The following DLG5 variants were observed in gnomAD, a reference collection of about 807,000 sequenced individuals.
The protein encoded by DLG5 is disks large homolog 5.
A neutral mutation model predicts 189.8 loss-of-function variants in DLG5; 48 were observed. The ratio of observed to expected loss-of-function variants is 0.25; its 90% CI spans 0.20 to 0.32. The LOEUF (loss-of-function observed/expected upper bound fraction) is 0.32. DLG5 is among the 10% of genes least tolerant of loss of function. The pLI is 1.00. For missense variants in DLG5, 2,160 were observed against 2,544.7 expected (o/e 0.85, Z 3.25); for synonymous variants, 1,016 against 1,054.1 (o/e 0.96, Z 0.70).
chr10:77,821,750 C>G lies in DLG5; in HGVS notation c.2734G>C (p.Gly912Arg). The G allele has an allele frequency of 6.2e-7, 1 of 1,609,054 alleles. No individual in the cohort carries two copies. The highest frequency in any genetic ancestry group is 8.5e-7 in the Non-Finnish European group (1 of 1,178,254). ...TCAAAGGGCAGCAGTGGCCGCCGGCCACGCACGTCCACCAGCCCAAAGCCA... is the reference window on the plus strand; with the variant it reads ...TCAAAGGGCAGCAGTGGCCGCCGGCGACGCACGTCCACCAGCCCAAAGCCA... ...DRGFGLVDVRGRRPLLPFETE... is the reference protein window; with the variant it reads ...DRGFGLVDVRRRRPLLPFETE... Residue 912 changes from glycine (G) to arginine (R), a missense_variant, in exon 15 of 32, where the codon GGC (glycine) becomes CGC (arginine). This residue lies in a region of DLG5 where 754 missense variants were observed against 746.5 expected (regional missense o/e 1.01). Transcript: ENST00000372391.
intron 2 of DLG5, chr10:77,867,957 A>C (rs933997743): frequency 4.8e-5 from 22 of 456,620 alleles, no homozygotes; most frequent in Middle Eastern, 3.2e-4. Context: ...TGGACGGAGA[A>C]CATCATGTGA....
Position 77,805,753 on chromosome 10 carries a change from T to C in DLG5, c.5076A>G (p.Lys1692=), listed in dbSNP as rs1347464399. The change falls in exon 27 of 32, where the codon AAA becomes AAG. Residue 1692 remains lysine, a synonymous_variant. Transcript: ENST00000372391. Reference sequence around the variant, plus strand: ...TGGACCCGCTGCGTTTGTGCTTGTGTTTCCTCCGAAAAAAGGACCGGCGTG... The same window carrying C: ...TGGACCCGCTGCGTTTGTGCTTGTGCTTCCTCCGAAAAAAGGACCGGCGTG... ...AAARRSFFRR[K]HKHKRSGSKD... 1 of 1,614,000 alleles carries C rather than the reference T, an allele frequency of 6.2e-7. No homozygotes were observed. The highest frequency in any genetic ancestry group is 1.7e-5 in the Admixed American group (1 of 59,996).
chr10:77,904,653 T>C (rs1056341546), intron 1 of DLG5, among the ~76,000 whole-genome samples: 5 of 151,336 alleles, frequency 3.3e-5, no homozygotes, highest in Admixed American at 2.0e-4. Context: ...CTTTGCTTCT[T>C]CCTCATTCTT....
chr10:77,895,537 T>G (rs777489553), intron 1 of DLG5, among the ~76,000 whole-genome samples: 1 of 152,054 alleles, frequency 6.6e-6, no homozygotes, highest in Non-Finnish European at 1.5e-5. Flanking sequence ...GACTTGAAGG[T>G]GTCAGATTTT....
intron 27 of DLG5, among the ~76,000 whole-genome samples, chr10:77,798,146 C>T (rs772347286): frequency 1.1e-4 from 17 of 152,164 alleles, no homozygotes; most frequent in Admixed American, 1.0e-3. Flanking sequence ...GAGACTGCAC[C>T]ACTGTACTCC....
chr10:77,807,635 T>A (rs1160352322), intron 25 of DLG5, among the ~76,000 whole-genome samples, 161 bp downstream of exon 25: 1 of 152,128 alleles, frequency 6.6e-6, no homozygotes, highest in African/African-American at 2.4e-5. Flanking sequence ...GTCACAATCA[T>A]CTCAACATAA....
chr10:77,933,331 G>A, the DLG5 span, among the ~76,000 whole-genome samples: 1 of 151,788 alleles, frequency 6.6e-6, no homozygotes, highest in East Asian at 1.9e-4. Flanking sequence ...TTGTTCCCCA[G>A]GCTGGAGTGC....
upstream of DLG5, among the ~76,000 whole-genome samples, chr10:77,931,464 A>G (rs1364029309): frequency 6.6e-6 from 1 of 151,076 alleles, no homozygotes; most frequent in Non-Finnish European, 1.5e-5. Context: ...TGCCGAGGCT[A>G]GGTTCAAACT....
rs143898122 is a variant in DLG5 at position 77,888,221 on chromosome 10, G to A, written c.305-19024C>T. The stretch of plus-strand genomic sequence containing the variant: ...CCAGAGAACAGAGCAAATGCAAAGT[G>A]CAGGGAGAGCAGAATGAATTACTAG... On this transcript the variant is annotated intron_variant, in intron 1 of 31. Transcript: ENST00000372391. 1.5e-3 allele frequency among the ~76,000 whole-genome samples: 221 copies of A among 152,320 alleles called. 2 individuals carry two copies. Among genetic ancestry groups the A allele is most frequent in the African/African-American group, 5.2e-3 (216 of 41,572 alleles).
chr10:77,870,781 G>C (rs899285622), intron 1 of DLG5, among the ~76,000 whole-genome samples: 1 of 152,118 alleles, frequency 6.6e-6, no homozygotes, highest in Admixed American at 6.6e-5. Context: ...AAGAAATGGG[G>C]GTAAATGGGG....
chr10:77,842,899 CA>C (rs1843495827), intron 6 of DLG5, among the ~76,000 whole-genome samples: 1 of 152,230 alleles, frequency 6.6e-6, no homozygotes, highest in African/African-American at 2.4e-5. Context: ...TGGCAATGCT[CA>C]AACCTATTTA....
At chr10:77,928,019 GTCT>G (rs1846746919), upstream of DLG5, 1 of 152,186 alleles carries the variant, frequency 6.6e-6, no homozygotes, top group African/African-American at 2.4e-5. Context: ...AAAAAGCAGT[GTCT>G]TCTTAGTCTG....
chr10:77,892,076 A>G (rs1845626869), intron 1 of DLG5, among the ~76,000 whole-genome samples: 2 of 152,086 alleles, frequency 1.3e-5, no homozygotes, highest in South Asian at 4.1e-4. Context: ...GGACGGACAC[A>G]CCCACAGGCC....
chr10:77,907,133 A>G (rs762370066), intron 1 of DLG5, among the ~76,000 whole-genome samples: 1 of 152,168 alleles, frequency 6.6e-6, no homozygotes, highest in Non-Finnish European at 1.5e-5. Flanking sequence ...CAGGAACCAG[A>G]AGATTGCAAA....
rs1476335518 is a variant in DLG5, at chr10:77,856,878, C to A, written c.388G>T (p.Ala130Ser). The A allele has an allele frequency of 6.2e-7, 1 of 1,611,372 alleles. No homozygotes were observed. The highest frequency in any genetic ancestry group is 1.1e-5 in the South Asian group (1 of 90,742). ...GTGAGGAGGGGTGGTGGGGACGGCG[C>A]CTTCCCGGTAGTGCCTGTGGAAGGG... ...SLSSVGTTGKAPSPPPLLTDQ... is the reference protein window; with the variant it reads ...SLSSVGTTGKSPSPPPLLTDQ... Residue 130 changes from alanine to serine, a missense_variant, in exon 3 of 32, where the codon GCG (alanine) becomes TCG (serine). By Grantham distance (99) the Ala-to-Ser change is moderately conservative (BLOSUM62 1). This residue lies in a region of DLG5 where 664 missense variants were observed against 838.5 expected (regional missense o/e 0.79). Coordinates refer to ENST00000372391, the MANE Select transcript of DLG5 (RefSeq NM_004747.4).
At chr10:77,836,824 A>G (rs1311425983) in intron 7 of DLG5, among the ~76,000 whole-genome samples, 2 of 151,892 alleles carry the variant, frequency 1.3e-5, no homozygotes, top group Admixed American at 1.3e-4. Flanking sequence ...AAATCATTTC[A>G]GTTTTGATTT....
chr10:77,823,472 T>C (rs1305677082), intron 14 of DLG5, among the ~76,000 whole-genome samples: 1 of 151,586 alleles, frequency 6.6e-6, no homozygotes, highest in East Asian at 1.9e-4. Context: ...TTGTCTATAA[T>C]GATACTACAG....
chr10:77,839,351 A>T (rs1360525022), intron 7 of DLG5, among the ~76,000 whole-genome samples: 1 of 152,044 alleles, frequency 6.6e-6, no homozygotes, highest in Non-Finnish European at 1.5e-5. Context: ...AAATACAAAA[A>T]TTAGCTGGGC....
chr10:77,927,376 A>C (rs1846734559), upstream of DLG5: 1 of 152,296 alleles, frequency 6.6e-6, no homozygotes, highest in African/African-American at 2.4e-5. Context: ...TCCAAAATAC[A>C]GCCTGGAGAC....
Sources: gnomAD v4.1 joint callset for allele counts (sites outside exome capture counted in the v4.1 genomes callset) on GRCh38, gnomAD v4.1.1 for gene constraint, gnomAD v4.1.1 regional missense constraint, MANE v1.5 for transcripts, NCBI Gene and HGNC (gene_info 2026-07-23, HGNC 2026-07-21) for gene names.